SLC6A5: variants seen among roughly 807,000 people sequenced by gnomAD.
The protein encoded by SLC6A5 is solute carrier family 6 member 5.
A neutral mutation model predicts 90.5 loss-of-function variants in SLC6A5; 58 were observed. The ratio of observed to expected loss-of-function variants is 0.64; its 90% CI spans 0.52 to 0.80. The LOEUF is 0.80. SLC6A5 is among the 30% of genes least tolerant of loss of function. SLC6A5 has a pLI of 0.00. For synonymous variants in SLC6A5, 427 were observed against 401.4 expected, an observed-to-expected ratio of 1.06 and a Z score of -0.76; for missense variants, 1,015 against 1,017.6, an observed-to-expected ratio of 1.00 and a Z score of 0.03.
At position 20,638,570 on chromosome 11, in the gene SLC6A5, A is replaced by C. The variant is rs530614770; in HGVS notation, c.1969+12A>C. The C allele has an allele frequency of 6.7e-7, 1 of 1,500,254 alleles. No homozygotes were observed. Among genetic ancestry groups the C allele is most frequent in the African/African-American group, 1.4e-5 (1 of 72,746 alleles). 92.9% of individuals were successfully genotyped at this position (1,500,254 alleles called of 1,614,324 possible). ...CTCTTATGTGTATGGTAAGGAAATCACTGTGCCTGTTGCTGAAGTAGAGCT... is the reference window on the plus strand; with the variant it reads ...CTCTTATGTGTATGGTAAGGAAATCCCTGTGCCTGTTGCTGAAGTAGAGCT... On this transcript the variant is annotated intron_variant, in intron 13 of 15. Coordinates refer to ENST00000525748, the MANE Select transcript of SLC6A5 (RefSeq NM_004211.5).
At chr11:20,636,120 C>T (rs1389878904) in intron 10 of SLC6A5, among the ~76,000 whole-genome samples, 187 bp from the exon 11 acceptor site, 3 of 152,126 alleles carry the variant, frequency 2.0e-5, no homozygotes, top group Non-Finnish European at 4.4e-5. Context: ...TTCCTTTGGT[C>T]TTCCCCTTCA....
intron 5 of SLC6A5, among the ~76,000 whole-genome samples, chr11:20,611,720 T>A (rs1852696966): frequency 6.6e-6 from 1 of 150,760 alleles, no homozygotes; most frequent in South Asian, 2.1e-4. Context: ...GCTGAGCAGA[T>A]CCTATCTCAT....
chr11:20,652,485 A>G (rs1281493144), intron 15 of SLC6A5, 29 bp downstream of exon 15: 4 of 1,600,994 alleles, frequency 2.5e-6, no homozygotes, highest in Non-Finnish European at 3.4e-6. Flanking sequence ...TTCCCTCCCA[A>G]TTCCTCCCAA....
Position 20,617,919 on chromosome 11 carries a change from A to T in SLC6A5, c.1260+35A>T, listed in dbSNP as rs7925624. ...TGGATTTATCTAAGAGAAAGCTGTG[A>T]GACACCCAGGGGCGGTTGCTTTGGG... On this transcript the variant is annotated intron_variant, in intron 7 of 15. Coordinates refer to ENST00000525748, the MANE Select transcript of SLC6A5 (RefSeq NM_004211.5). The T allele has an allele frequency of 6.2e-6, 10 of 1,610,218 alleles. No individual in the cohort carries two copies. In the East Asian group the frequency reaches 6.7e-5, roughly 11 times the overall value.
intron 2 of SLC6A5, among the ~76,000 whole-genome samples, chr11:20,602,385 C>A (rs933807674): frequency 1.3e-5 from 2 of 152,218 alleles, no homozygotes; most frequent in Non-Finnish European, 2.9e-5. Context: ...ACCCACAGAG[C>A]AAATCCCAAT....
At chr11:20,654,562 T>A (rs2133827346) in intron 15 of SLC6A5, 151 bp from the exon 16 acceptor site, 1 of 733,760 alleles carries the variant, frequency 1.4e-6, no homozygotes, top group Admixed American at 2.0e-5. Context: ...AACGCTTATC[T>A]TCCTAACTGC....
At position 20,658,632 on chromosome 11, in the gene SLC6A5, G is replaced by A. The variant is rs539279962; in HGVS notation, c.*3764G>A. 6.6e-6 allele frequency: 1 copy of A among 152,178 alleles called. No homozygotes were observed. The highest frequency in any genetic ancestry group is 1.5e-5 in the Non-Finnish European group (1 of 68,028). 9.4% of individuals were successfully genotyped at this position (152,178 alleles called of 1,614,324 possible). On this transcript the variant is annotated 3_prime_UTR_variant, in exon 16 of 16. Coordinates refer to ENST00000525748, the MANE Select transcript of SLC6A5 (RefSeq NM_004211.5). Reference sequence around the variant, plus strand: ...TGCTTTAATTGCCCAGAAAGGCCAAGTAGTTTTGAAATGTGGTCTTTGCTC... The same window carrying A: ...TGCTTTAATTGCCCAGAAAGGCCAAATAGTTTTGAAATGTGGTCTTTGCTC...
intron 7 of SLC6A5, among the ~76,000 whole-genome samples, chr11:20,624,752 A>G (rs979628379): frequency 6.6e-6 from 1 of 152,154 alleles, no homozygotes; most frequent in Non-Finnish European, 1.5e-5. Flanking sequence ...GCTTAACCTC[A>G]GCCTCTCAAG....
intron 7 of SLC6A5, among the ~76,000 whole-genome samples, chr11:20,620,446 G>C (rs544665634): frequency 7.2e-5 from 11 of 152,210 alleles, no homozygotes; most frequent in Non-Finnish European, 1.3e-4. Context: ...AGACATGCAT[G>C]CTACTACCTG....
intron 10 of SLC6A5, among the ~76,000 whole-genome samples, chr11:20,631,224 CA>C: frequency 6.6e-6 from 1 of 152,180 alleles, no homozygotes. Context: ...CTGTCGAAAC[CA>C]AGGCTTAGTG....
intron 4 of SLC6A5, 119 bp downstream of exon 4, chr11:20,607,257 CCTTT>C (rs1852601237): frequency 7.2e-7 from 1 of 1,389,564 alleles, no homozygotes. Context: ...CTCTTTCCTT[CCTTT>C]ATTTGATCCT....
intron 15 of SLC6A5, among the ~76,000 whole-genome samples, chr11:20,653,763 A>G (rs1853583762): frequency 6.6e-6 from 1 of 152,178 alleles, no homozygotes; most frequent in Non-Finnish European, 1.5e-5. Flanking sequence ...CTTCTGCCGC[A>G]CATAAGCCTC....
Position 20,630,757 on chromosome 11 carries a change from C to T in SLC6A5, c.1566C>T (p.Ser522=), listed in dbSNP as rs762275099. 2.3e-5 allele frequency: 37 copies of T among 1,614,104 alleles called. No individual in the cohort carries two copies. Among genetic ancestry groups the T allele is most frequent in the Middle Eastern group, 1.6e-4 (1 of 6,084 alleles). Reference sequence around the variant, plus strand: ...TCTTTGCCGGCTTCGTCATCTTCTCCGTTATCGGCTTCATGGCCAATGAAC... The same window carrying T: ...TCTTTGCCGGCTTCGTCATCTTCTCTGTTATCGGCTTCATGGCCAATGAAC... The part of the protein sequence containing the change: ...TSIFAGFVIF[S]VIGFMANERK... The change falls in exon 10 of 16, where the codon TCC becomes TCT. Residue 522 remains serine, a synonymous_variant. Transcript: ENST00000525748.
rs751851247 is a variant in SLC6A5 at position 20,617,726 on chromosome 11, C to T, written c.1128-26C>T. The T allele has an allele frequency of 5.0e-6, 8 of 1,608,412 alleles. No individual in the cohort carries two copies. The South Asian group carries it at 5.5e-5, about 11-fold the overall frequency. ...CCCTCTCTCCTTCTTTCTATCACTCCCCCCATCCCTCCCTCCAACTCTCAG... is the reference window on the plus strand; with the variant it reads ...CCCTCTCTCCTTCTTTCTATCACTCTCCCCATCCCTCCCTCCAACTCTCAG... On this transcript the variant is annotated intron_variant, in intron 6 of 15. Coordinates refer to ENST00000525748, the MANE Select transcript of SLC6A5 (RefSeq NM_004211.5).
rs1658210214 is a variant in SLC6A5, at chr11:20,657,494, C to A, written c.*2626C>A. ...TTCCAAATTTACCTGGAAATGGTTA[C>A]CTTGTAAATTTAGCTTGTCTAATGG... On this transcript the variant is annotated 3_prime_UTR_variant, in exon 16 of 16. Coordinates refer to ENST00000525748, the MANE Select transcript of SLC6A5 (RefSeq NM_004211.5). 6.6e-6 allele frequency: 1 copy of A among 151,886 alleles called. No homozygotes were observed. Among genetic ancestry groups the A allele is most frequent in the Non-Finnish European group, 1.5e-5 (1 of 68,004 alleles). The allele number at this position is 151,886 out of a possible 1,614,324, so 9.4% of individuals were successfully genotyped here.
At chr11:20,626,159 G>T (rs1454989521) in intron 7 of SLC6A5, among the ~76,000 whole-genome samples, 3 of 152,206 alleles carry the variant, frequency 2.0e-5, no homozygotes. Context: ...CTGAAACTAA[G>T]ATTCAGAGAG....
At position 20,604,362 on chromosome 11, in the gene SLC6A5, G is replaced by T; in HGVS notation, c.617G>T (p.Gly206Val). Residue 206 changes from glycine to valine, a missense_variant, in exon 3 of 16, where the codon GGG (glycine) becomes GTG (valine). Physicochemically the swap from Gly to Val is moderately radical, Grantham distance 109. Around this residue, in one of 3 missense-constraint regions of SLC6A5, gnomAD observed 567 missense variants for 507.3 expected, o/e 1.12. Coordinates refer to ENST00000525748, the MANE Select transcript of SLC6A5 (RefSeq NM_004211.5). The stretch of plus-strand genomic sequence containing the variant: ...CTGGACTTCATCCTGTCCATGGTGG[G>T]GTACGCAGTGGGGCTGGGCAATGTC... ...SKLDFILSMV[G>V]YAVGLGNVWR... The T allele has an allele frequency of 1.2e-6, 2 of 1,614,172 alleles. No homozygotes were observed. Among genetic ancestry groups the T allele is most frequent in the Non-Finnish European group, 1.7e-6 (2 of 1,180,002 alleles).
At chr11:20,635,771 C>A (rs949250009) in intron 10 of SLC6A5, among the ~76,000 whole-genome samples, 2 of 152,100 alleles carry the variant, frequency 1.3e-5, no homozygotes, top group African/African-American at 4.8e-5. Context: ...TCTTTGTTGG[C>A]AAGAAGCTCT....
intron 9 of SLC6A5, 35 bp downstream of exon 9, chr11:20,628,118 G>C: frequency 6.7e-7 from 1 of 1,495,874 alleles, no homozygotes; most frequent in Non-Finnish European, 9.3e-7. Context: ...GGGCATAGCT[G>C]GTGAGTGGGA....
Sources: allele counts gnomAD v4.1 joint callset (sites outside exome capture counted in the v4.1 genomes callset), GRCh38; gene constraint gnomAD v4.1.1; regional missense constraint gnomAD v4.1.1; transcripts MANE v1.5; gene names NCBI Gene and HGNC (gene_info 2026-07-23, HGNC 2026-07-21).